Variants in DNAI7 observed in about 807,000 individuals in gnomAD.
DNAI7 encodes the protein dynein axonemal intermediate chain 7, also known as cancer susceptibility 1.
A neutral mutation model predicts 86.6 loss-of-function variants in DNAI7; 78 were observed. That is an observed-to-expected ratio of 0.90 (90% confidence interval 0.75 to 1.09). The LOEUF (loss-of-function observed/expected upper bound fraction) is 1.09. Ranked by LOEUF, DNAI7 falls within the 50% of genes least tolerant of loss-of-function variation. DNAI7 has a pLI of 0.00. For missense variants in DNAI7, 753 were observed against 810.2 expected (o/e 0.93, Z 0.86); for synonymous variants, 274 against 273.0 (o/e 1.00, Z -0.04).
chr12:25,189,848 A>T (rs1365435126), intron 2 of DNAI7, among the ~76,000 whole-genome samples: 1 of 152,210 alleles, frequency 6.6e-6, no homozygotes, highest in Non-Finnish European at 1.5e-5. Context: ...GATTTTATGC[A>T]TTCCTAAAAG....
intron 2 of DNAI7, among the ~76,000 whole-genome samples, chr12:25,186,717 G>A (rs536704185): frequency 6.6e-6 from 1 of 152,266 alleles, no homozygotes; most frequent in Non-Finnish European, 1.5e-5. Context: ...GTAGATAACA[G>A]ATAAGCTTTA....
chr12:25,118,710 C>T (rs1168065756), intron 12 of DNAI7, among the ~76,000 whole-genome samples: 5 of 152,088 alleles, frequency 3.3e-5, no homozygotes, highest in African/African-American at 9.7e-5. Context: ...TACAGGTGCA[C>T]ACCATCACGC....
intron 7 of DNAI7, among the ~76,000 whole-genome samples, chr12:25,148,390 C>G (rs1268803811): frequency 1.3e-5 from 2 of 152,104 alleles, no homozygotes; most frequent in Non-Finnish European, 2.9e-5. Context: ...TGATCGCTTG[C>G]TTAAGGTGCT....
chr12:25,160,617 G>A (rs539185084), intron 3 of DNAI7, among the ~76,000 whole-genome samples: 3 of 152,098 alleles, frequency 2.0e-5, no homozygotes, highest in Non-Finnish European at 4.4e-5. Flanking sequence ...CAGTAGCAGG[G>A]GCCACAGGCG....
chr12:25,119,013 C>T, intron 12 of DNAI7, 132 bp downstream of exon 12: 1 of 708,664 alleles, frequency 1.4e-6, no homozygotes, highest in South Asian at 3.2e-5. Context: ...TAAGAACAAA[C>T]AAAACAAGAC....
chr12:25,163,776 G>A (rs944358695), intron 2 of DNAI7, among the ~76,000 whole-genome samples: 18 of 152,190 alleles, frequency 1.2e-4, no homozygotes, highest in Non-Finnish European at 1.3e-4. Flanking sequence ...TCTGGTAAGC[G>A]GCCTCTTTTT....
intron 2 of DNAI7, among the ~76,000 whole-genome samples, chr12:25,178,348 G>T (rs1020254205): frequency 6.6e-6 from 1 of 152,052 alleles, no homozygotes; most frequent in Admixed American, 6.6e-5. Context: ...CTGGCTATTT[G>T]TCTAATTCAT....
intron 12 of DNAI7, among the ~76,000 whole-genome samples, chr12:25,116,989 T>G (rs1448224024): frequency 6.6e-6 from 1 of 152,130 alleles, no homozygotes; most frequent in Admixed American, 6.5e-5. Context: ...CCCTGAGTGC[T>G]GGGGCATGAT....
intron 2 of DNAI7, among the ~76,000 whole-genome samples, chr12:25,182,482 C>A (rs1057219213): frequency 6.6e-6 from 1 of 151,838 alleles, no homozygotes; most frequent in Non-Finnish European, 1.5e-5. Context: ...TGTGGTAGCA[C>A]ACACCTATAG....
At chr12:25,143,296 T>A (rs941948272) in intron 9 of DNAI7, among the ~76,000 whole-genome samples, 26 of 149,394 alleles carry the variant, frequency 1.7e-4, no homozygotes, top group African/African-American at 6.4e-4. Flanking sequence ...TCACCCAGGC[T>A]GAAGTGCAAT....
intron 2 of DNAI7, among the ~76,000 whole-genome samples, chr12:25,165,721 C>T (rs936344349): frequency 3.3e-5 from 5 of 152,188 alleles, no homozygotes; most frequent in Admixed American, 1.3e-4. Flanking sequence ...TTAATCAATA[C>T]GGAGCCTACC....
intron 12 of DNAI7, 112 bp downstream of exon 12, chr12:25,119,033 G>T: frequency 1.2e-6 from 1 of 815,516 alleles, no homozygotes; most frequent in Non-Finnish European, 1.8e-6. Context: ...CCCTTGAATT[G>T]GCATAGAAAT....
intron 4 of DNAI7, among the ~76,000 whole-genome samples, chr12:25,157,852 T>TTTG (rs763713211): frequency 6.9e-6 from 1 of 145,178 alleles, no homozygotes; most frequent in Non-Finnish European, 1.5e-5. Context: ...TTTTTTTTTT[T>TTTG]GTTCCTGTTA....
chr12:25,181,598 A>C (rs1949508810), intron 2 of DNAI7, among the ~76,000 whole-genome samples: 1 of 152,218 alleles, frequency 6.6e-6, no homozygotes. Flanking sequence ...CACAGTCAAC[A>C]GACAACCTAC....
At chr12:25,165,629 T>G (rs984209663) in intron 2 of DNAI7, among the ~76,000 whole-genome samples, 2 of 151,958 alleles carry the variant, frequency 1.3e-5, no homozygotes, top group African/African-American at 4.8e-5. Flanking sequence ...AGACTGACAC[T>G]GCCCAATTGC....
intron 1 of DNAI7, among the ~76,000 whole-genome samples, chr12:25,194,426 T>C (rs1592770429): frequency 1.3e-5 from 2 of 152,330 alleles, no homozygotes; most frequent in East Asian, 3.9e-4. Context: ...ATTAAATAAG[T>C]AATTACATTC....
rs1293993192 is a variant in DNAI7 at position 25,167,763 on chromosome 12, C to T, written c.22-6566G>A. On this transcript the variant is annotated intron_variant, in intron 2 of 15. Coordinates refer to ENST00000395987, the MANE Select transcript of DNAI7 (RefSeq NM_018272.5). ...CAAGACCTCCCCAGACATTTGACAT[C>T]AGCAAGCTGCCACCCTCCTCCGCAC... 2.6e-5 allele frequency among the ~76,000 whole-genome samples: 4 copies of T among 152,276 alleles called. No individual in the cohort carries two copies. The East Asian group carries it at 7.7e-4, about 29-fold the overall frequency.
At chr12:25,181,090 G>A (rs1396430525) in intron 2 of DNAI7, among the ~76,000 whole-genome samples, 3 of 152,154 alleles carry the variant, frequency 2.0e-5, no homozygotes, top group Non-Finnish European at 4.4e-5. Flanking sequence ...CTATAGGCAT[G>A]AGCCATCGTG....
At chr12:25,187,228 A>G (rs532002546) in intron 2 of DNAI7, among the ~76,000 whole-genome samples, 1 of 152,064 alleles carries the variant, frequency 6.6e-6, no homozygotes. Flanking sequence ...TTCTAACCAC[A>G]CTGGCATTTC....
Sources: gnomAD v4.1 joint callset for allele counts (sites outside exome capture counted in the v4.1 genomes callset) on GRCh38, gnomAD v4.1.1 for gene constraint, MANE v1.5 for transcripts, NCBI Gene and HGNC (gene_info 2026-07-23, HGNC 2026-07-21) for gene names.